The following RYR3 variants were observed in gnomAD, a reference collection of about 807,000 sequenced individuals.
RYR3 encodes the protein ryanodine receptor 3.
In RYR3, 207 loss-of-function variants were observed where a neutral mutation model predicts 584.3. That is an observed-to-expected ratio of 0.35 (90% CI 0.32 to 0.40). The LOEUF is 0.40. Among genes scored for constraint, RYR3 ranks in the 10% least tolerant of loss-of-function variants. The pLI, the probability that RYR3 is intolerant of heterozygous loss-of-function variation, is 1.00. For missense variants in RYR3, 5,616 were observed against 6,089.2 expected (o/e 0.92, Z 2.59); for synonymous variants, 2,416 against 2,248.5 (o/e 1.07, Z -2.11).
chr15:33,416,880 A>G (rs756516986), intron 1 of RYR3, among the ~76,000 whole-genome samples: 2 of 152,196 alleles, frequency 1.3e-5, no homozygotes, highest in Non-Finnish European at 2.9e-5. Context: ...GGTGAGAGGT[A>G]GGAATCCAGT....
intron 16 of RYR3, among the ~76,000 whole-genome samples, chr15:33,591,106 G>T (rs1333877563): frequency 6.6e-6 from 1 of 152,110 alleles, no homozygotes; most frequent in Non-Finnish European, 1.5e-5. Flanking sequence ...TCACTCTTGT[G>T]GATCCTTCAA....
intron 84 of RYR3, 30 bp from the exon 85 acceptor site, chr15:33,827,169 C>G (rs757908663): frequency 6.5e-7 from 1 of 1,542,518 alleles, no homozygotes; most frequent in Non-Finnish European, 8.8e-7. Context: ...ATGGCAGGGA[C>G]AAGCTCTGAC....
intron 1 of RYR3, among the ~76,000 whole-genome samples, chr15:33,375,495 T>A (rs1295496211): frequency 6.6e-6 from 1 of 152,120 alleles, no homozygotes; most frequent in East Asian, 1.9e-4. Flanking sequence ...AGAAGCTGAG[T>A]TCTGGGTAAA....
intron 1 of RYR3, among the ~76,000 whole-genome samples, chr15:33,407,408 A>C (rs1257080155): frequency 6.6e-6 from 1 of 152,216 alleles, no homozygotes; most frequent in Non-Finnish European, 1.5e-5. Context: ...ACGAGAGTGA[A>C]CCATAGATCT....
Position 33,310,991 on chromosome 15 carries a change from T to C in RYR3, c.-55T>C. ...CAGCAGTCAGCGCACGCCGAGCGGC[T>C]GCCGGGGGAAGCAGAGGCGCCGGAG... On this transcript the variant is annotated 5_prime_UTR_variant, in exon 1 of 104. Transcript: ENST00000634891. 1.4e-6 allele frequency: 2 copies of C among 1,439,964 alleles called. No individual in the cohort carries two copies. The highest frequency in any genetic ancestry group is 1.9e-6 in the Non-Finnish European group (2 of 1,048,238). 89.2% of individuals were successfully genotyped at this position (1,439,964 alleles called of 1,614,324 possible).
At chr15:33,505,451 A>G (rs566326099) in intron 3 of RYR3, among the ~76,000 whole-genome samples, 12 of 152,268 alleles carry the variant, frequency 7.9e-5, no homozygotes, top group Admixed American at 5.2e-4. Context: ...TGACCTCAGC[A>G]TCTTATATCT....
chr15:33,668,834 A>G (rs2063643572), intron 36 of RYR3, among the ~76,000 whole-genome samples: 1 of 152,210 alleles, frequency 6.6e-6, no homozygotes, highest in South Asian at 2.1e-4. Flanking sequence ...ATGAAAAAAA[A>G]TTATTTTAAA....
At chr15:33,437,129 TGTGTGTGTGTGTGTG>T (rs2045801052) in intron 1 of RYR3, among the ~76,000 whole-genome samples, 1 of 30,282 alleles carries the variant, frequency 3.3e-5, no homozygotes, top group Non-Finnish European at 7.2e-5. Flanking sequence ...TGTGTGTGTG[TGTGTGTGTGTGTGTG>T]TGTGTGTGTG....
intron 64 of RYR3, 100 bp from the exon 65 acceptor site, chr15:33,780,110 AG>A (rs1301185324): frequency 4.9e-6 from 7 of 1,418,080 alleles, no homozygotes; most frequent in Non-Finnish European, 5.8e-6. Flanking sequence ...CCTAGTGCCT[AG>A]GGATGTCCAT....
chr15:33,769,222 C>A, intron 62 of RYR3, 50 bp downstream of exon 62: 1 of 1,282,546 alleles, frequency 7.8e-7, no homozygotes, highest in Non-Finnish European at 1.1e-6. Flanking sequence ...TCCTCTCTGA[C>A]CCTCTCATCT....
chr15:33,861,269 T>A, intron 102 of RYR3, 91 bp downstream of exon 102: 2 of 965,268 alleles, frequency 2.1e-6, no homozygotes, highest in Non-Finnish European at 3.2e-6. Flanking sequence ...GGAAAAAGAG[T>A]AACCAGAAAG....
At chr15:33,377,614 C>G (rs74007943) in intron 1 of RYR3, among the ~76,000 whole-genome samples, 4,023 of 152,238 alleles carry the variant, frequency 0.026, 168 homozygotes, top group African/African-American at 0.093. Context: ...AGCTCTAGAG[C>G]CTGATTTCTC....
intron 16 of RYR3, among the ~76,000 whole-genome samples, chr15:33,593,697 C>T (rs762716745): frequency 2.6e-5 from 4 of 152,076 alleles, no homozygotes; most frequent in African/African-American, 4.8e-5. Flanking sequence ...AACATTATTT[C>T]GAAGACTTTT....
At chr15:33,649,269 C>T (rs549318840) in intron 31 of RYR3, 34 bp downstream of exon 31, 31 of 1,593,240 alleles carry the variant, frequency 1.9e-5, no homozygotes, top group South Asian at 1.0e-4. Context: ...GGTTAGCCAT[C>T]GGGCTTCTCA....
chr15:33,847,556 G>A (rs767409205), intron 93 of RYR3: 2 of 152,218 alleles, frequency 1.3e-5, no homozygotes, highest in South Asian at 2.1e-4. Context: ...CATGTTTGGA[G>A]TGTGTGTGCA....
At chr15:33,647,664 C>T (rs2062179297) in intron 30 of RYR3, among the ~76,000 whole-genome samples, 1 of 152,168 alleles carries the variant, frequency 6.6e-6, no homozygotes, top group Admixed American at 6.5e-5. Context: ...AAAGCAAAAG[C>T]TCTACCTGGA....
chr15:33,563,489 G>A (rs564116209), intron 11 of RYR3, among the ~76,000 whole-genome samples: 2 of 152,318 alleles, frequency 1.3e-5, no homozygotes, highest in South Asian at 4.1e-4. Context: ...AGTGTATCTT[G>A]ATTTGAGTGG....
intron 93 of RYR3, chr15:33,847,227 C>G (rs2078781994): frequency 6.6e-6 from 1 of 152,200 alleles, no homozygotes; most frequent in South Asian, 2.1e-4. Context: ...TGCCACCTTC[C>G]TATCGTGAGT....
intron 67 of RYR3, among the ~76,000 whole-genome samples, chr15:33,793,012 C>A (rs1465986813): frequency 1.3e-5 from 2 of 152,218 alleles, no homozygotes; most frequent in Non-Finnish European, 2.9e-5. Flanking sequence ...GCCTAGGCTG[C>A]TCACACTTCT....
Sources: allele counts gnomAD v4.1 joint callset (sites outside exome capture counted in the v4.1 genomes callset), GRCh38; gene constraint gnomAD v4.1.1; transcripts MANE v1.5; gene names NCBI Gene and HGNC (gene_info 2026-07-23, HGNC 2026-07-21).